GRM8: variants seen among roughly 807,000 people sequenced by gnomAD.
GRM8 encodes the protein glutamate metabotropic receptor 8.
A neutral mutation model predicts 87.2 loss-of-function variants in GRM8; 47 were observed. That is an observed-to-expected ratio of 0.54 (90% CI 0.43 to 0.69). GRM8 has a LOEUF of 0.69. GRM8 is among the 30% of genes least tolerant of loss of function. The probability of loss-of-function intolerance (pLI) is 0.00; values close to 1 mark genes in which losing one functional copy is unlikely to be tolerated. For synonymous variants in GRM8, 396 were observed against 404.5 expected (o/e 0.98, Z 0.25); for missense variants, 1,019 against 1,139.2 (o/e 0.89, Z 1.52).
chr7:126,797,573 C>T (rs1822101764), intron 6 of GRM8, among the ~76,000 whole-genome samples: 1 of 152,008 alleles, frequency 6.6e-6, no homozygotes. Flanking sequence ...CAATAACTCT[C>T]AAGTAACAGA....
rs1699523109 is a variant in GRM8, at chr7:126,525,293, G to C, written c.2430+7659C>G. ...GAAACTTATATTCTTATCCTAGGTAGAGCTGTATTTCCTATTCCCCCTGGC... is the reference window on the plus strand; with the variant it reads ...GAAACTTATATTCTTATCCTAGGTACAGCTGTATTTCCTATTCCCCCTGGC... On this transcript the variant is annotated intron_variant, in intron 9 of 10. Transcript: ENST00000339582. Among the ~76,000 whole-genome samples the C allele has an allele frequency of 2.0e-5, 3 of 152,300 alleles. No homozygotes were observed. In the South Asian group the frequency reaches 6.2e-4, roughly 32 times the overall value.
chr7:126,832,056 T>G (rs1795436548), intron 6 of GRM8, among the ~76,000 whole-genome samples: 1 of 152,026 alleles, frequency 6.6e-6, no homozygotes, highest in African/African-American at 2.4e-5. Context: ...CTTCAAGTAT[T>G]TATTGTGTAC....
At chr7:126,595,130 G>A (rs1797037548) in intron 8 of GRM8, among the ~76,000 whole-genome samples, 1 of 152,034 alleles carries the variant, frequency 6.6e-6, no homozygotes, top group Non-Finnish European at 1.5e-5. Context: ...TGTTTACACA[G>A]CTTTGATGAA....
At position 126,994,744 on chromosome 7, in the gene GRM8, T is replaced by A. The variant is rs1026892194; in HGVS notation, c.728-90061A>T. ...ACAATGCAACAGAACACCAGGTAGA[T>A]TTCTAAGTTTTTTTTTTAATTCTAA... is the stretch of plus-strand genomic sequence containing the variant. On this transcript the variant is annotated intron_variant, in intron 3 of 10. Transcript: ENST00000339582. Among the ~76,000 whole-genome samples, 4 of 152,226 alleles carry A rather than the reference T, an allele frequency of 2.6e-5. 1 individual carries two copies. Among genetic ancestry groups the A allele is most frequent in the Admixed American group, 2.0e-4 (3 of 15,292 alleles).
chr7:127,178,887 C>G (rs1794271176), intron 2 of GRM8, among the ~76,000 whole-genome samples: 1 of 152,046 alleles, frequency 6.6e-6, no homozygotes, highest in Non-Finnish European at 1.5e-5. Flanking sequence ...AACAGAAACT[C>G]TTTAAAGCAT....
At chr7:126,780,752 A>G (rs964306113) in intron 6 of GRM8, among the ~76,000 whole-genome samples, 3 of 152,162 alleles carry the variant, frequency 2.0e-5, no homozygotes, top group African/African-American at 7.2e-5. Flanking sequence ...CAGATTATGG[A>G]ACAATGCAAA....
intron 7 of GRM8, among the ~76,000 whole-genome samples, chr7:126,653,372 A>G (rs1375735179): frequency 2.0e-5 from 3 of 150,718 alleles, no homozygotes; most frequent in African/African-American, 7.3e-5. Flanking sequence ...AATTAGGGGG[A>G]TTCATTCAAA....
At chr7:127,231,905 T>C (rs1797708841) in intron 2 of GRM8, among the ~76,000 whole-genome samples, 1 of 151,958 alleles carries the variant, frequency 6.6e-6, no homozygotes, top group Non-Finnish European at 1.5e-5. Context: ...CCTAAGGGTA[T>C]TTTTCTTTTG....
At chr7:126,468,985 C>T (rs188976805) in intron 9 of GRM8, among the ~76,000 whole-genome samples, 24 of 152,228 alleles carry the variant, frequency 1.6e-4, no homozygotes, top group Non-Finnish European at 2.5e-4. Flanking sequence ...AATTGGAGAA[C>T]TTCACAAACT....
At chr7:126,943,359 C>A (rs1807180161) in intron 3 of GRM8, among the ~76,000 whole-genome samples, 1 of 152,174 alleles carries the variant, frequency 6.6e-6, no homozygotes, top group Non-Finnish European at 1.5e-5. Context: ...GGACACATGG[C>A]AGAGCCCTGA....
chr7:127,204,653 T>A (rs1393451239), intron 2 of GRM8, among the ~76,000 whole-genome samples: 1 of 150,704 alleles, frequency 6.6e-6, no homozygotes, highest in Non-Finnish European at 1.5e-5. Context: ...TTGACATTAC[T>A]GTCCAAATTT....
intron 2 of GRM8, among the ~76,000 whole-genome samples, chr7:127,235,012 T>C (rs553567348): frequency 1.3e-5 from 2 of 152,350 alleles, no homozygotes; most frequent in East Asian, 1.9e-4. Context: ...ACTTTCCTTA[T>C]GCAGATTTAT....
intron 1 of GRM8, among the ~76,000 whole-genome samples, chr7:127,251,866 G>A (rs1020266893): frequency 6.6e-6 from 1 of 152,080 alleles, no homozygotes; most frequent in African/African-American, 2.4e-5. Flanking sequence ...GGCGTTTCTC[G>A]AAAGCCACAA....
intron 6 of GRM8, among the ~76,000 whole-genome samples, chr7:126,813,805 T>C (rs1334658078): frequency 1.3e-5 from 2 of 152,108 alleles, no homozygotes; most frequent in African/African-American, 4.8e-5. Flanking sequence ...TCCTTGATAA[T>C]GCATTTCTAA....
At chr7:126,877,338 A>C (rs1346301733) in intron 6 of GRM8, among the ~76,000 whole-genome samples, 1 of 152,176 alleles carries the variant, frequency 6.6e-6, no homozygotes, top group Non-Finnish European at 1.5e-5. Context: ...ACACCTCTCC[A>C]TGTATCCTAC....
intron 3 of GRM8, among the ~76,000 whole-genome samples, chr7:126,919,894 A>T (rs950526801): frequency 6.6e-6 from 1 of 152,178 alleles, no homozygotes; most frequent in African/African-American, 2.4e-5. Flanking sequence ...CAGCAAAAAA[A>T]GGACTGTTGC....
intron 9 of GRM8, among the ~76,000 whole-genome samples, chr7:126,522,053 T>C (rs1198210505): frequency 2.6e-5 from 4 of 152,172 alleles, no homozygotes; most frequent in Non-Finnish European, 4.4e-5. Context: ...TAAAAACTGG[T>C]TTGCTCTTTT....
intron 3 of GRM8, among the ~76,000 whole-genome samples, chr7:127,097,570 T>C (rs11563724): frequency 0.087 from 13,183 of 152,278 alleles, 1,895 homozygotes; most frequent in African/African-American, 0.3. Context: ...TATGATAATA[T>C]ACAGCTTTGT....
At chr7:126,539,044 A>G (rs776352148) in intron 8 of GRM8, among the ~76,000 whole-genome samples, 4 of 152,018 alleles carry the variant, frequency 2.6e-5, no homozygotes, top group Non-Finnish European at 4.4e-5. Context: ...TGTCCTTTGA[A>G]AAATCTAATA....
Sources: gnomAD v4.1 joint callset for allele counts (sites outside exome capture counted in the v4.1 genomes callset) on GRCh38, gnomAD v4.1.1 for gene constraint, MANE v1.5 for transcripts, NCBI Gene and HGNC (gene_info 2026-07-23, HGNC 2026-07-21) for gene names.